Variants in BBIP1 observed in about 807,000 individuals in gnomAD.
BBIP1 encodes the protein BBSome interacting protein 1, also known as BBSome-interacting protein 1.
BBIP1 carries 6 observed loss-of-function variants against 8.9 expected under a neutral mutation model. The observed-to-expected ratio is 0.67, with a 90% CI of 0.37 to 1.33. The LOEUF (loss-of-function observed/expected upper bound fraction) is 1.33, where lower values mean the gene tolerates loss of function less well. Ranked by LOEUF, BBIP1 falls within the 40% of genes most tolerant of loss-of-function variation. BBIP1 has a pLI of 0.02. For synonymous variants in BBIP1, 32 were observed against 33.4 expected (o/e 0.96, Z 0.14); for missense variants, 111 against 109.2 (o/e 1.02, Z -0.07).
intron 2 of BBIP1, chr10:110,903,637 TTAA>T (rs1846060187): frequency 6.6e-6 from 1 of 152,290 alleles, no homozygotes; most frequent in Non-Finnish European, 1.5e-5. Context: ...CATGTGTTTC[TTAA>T]TGATGGGATA....
intron 2 of BBIP1, chr10:110,906,726 A>G (rs1417659016): frequency 6.6e-6 from 1 of 152,064 alleles, no homozygotes; most frequent in Non-Finnish European, 1.5e-5. Flanking sequence ...TGCCCGGCTA[A>G]TTTTTGTATT....
intron 2 of BBIP1, chr10:110,907,534 A>G: frequency 2.0e-6 from 1 of 497,418 alleles, no homozygotes; most frequent in Non-Finnish European, 3.5e-6. Context: ...AAAAAAAGAA[A>G]AGAAAAGAAA....
At chr10:110,909,925 C>T (rs1489771542) in intron 2 of BBIP1, among the ~76,000 whole-genome samples, 1 of 152,130 alleles carries the variant, frequency 6.6e-6, no homozygotes, top group Non-Finnish European at 1.5e-5. Context: ...TATAATGTAC[C>T]AGCCGTAGCT....
chr10:110,911,403 G>A (rs1458910837), intron 2 of BBIP1: 1 of 152,012 alleles, frequency 6.6e-6, no homozygotes, highest in African/African-American at 2.4e-5. Flanking sequence ...AGTTAGCCTA[G>A]TGGCTCTTAA....
At chr10:110,902,876 AT>A (rs749505064) in intron 2 of BBIP1, 4 of 151,280 alleles carry the variant, frequency 2.6e-5, no homozygotes, top group Admixed American at 6.6e-5. Context: ...CTCCTACCAT[AT>A]TCTTTTCTTT....
chr10:110,914,734 G>A (rs1846358658), intron 2 of BBIP1, among the ~76,000 whole-genome samples: 1 of 152,168 alleles, frequency 6.6e-6, no homozygotes, highest in African/African-American at 2.4e-5. Context: ...TAAAATGTGT[G>A]GTGTCTAGCT....
At chr10:110,900,711 G>T in intron 3 of BBIP1, 185 bp from the exon 4 acceptor site, 1 of 536,146 alleles carries the variant, frequency 1.9e-6, no homozygotes, top group Non-Finnish European at 3.2e-6. Flanking sequence ...TTTCTTACTA[G>T]TAGGGTGCTT....
chr10:110,913,288 C>T (rs947313093), intron 2 of BBIP1, among the ~76,000 whole-genome samples: 1 of 152,114 alleles, frequency 6.6e-6, no homozygotes, highest in Admixed American at 6.5e-5. Context: ...TGTAAAAGTC[C>T]TTAGAAATAC....
intron 2 of BBIP1, among the ~76,000 whole-genome samples, chr10:110,913,692 A>G (rs1846328911): frequency 6.6e-6 from 1 of 152,220 alleles, no homozygotes; most frequent in Non-Finnish European, 1.5e-5. Context: ...TTTGATGGAG[A>G]TGACAGGTGA....
Position 110,899,048 on chromosome 10 carries a change from A to ATGTT in BBIP1, c.*1308_*1311dup, listed in dbSNP as rs1417208347. On this transcript the variant is annotated 3_prime_UTR_variant, in exon 4 of 4. Coordinates refer to ENST00000448814, the MANE Select transcript of BBIP1 (RefSeq NM_001195305.3). ...AAATTCTGTTACCAAATAATGGCTA[A>ATGTT]TGTTACAAAAAGTTATACTCCAGAG... is the stretch of plus-strand genomic sequence containing the variant. The ATGTT allele has an allele frequency of 2.0e-5, 3 of 152,212 alleles. No individual in the cohort carries two copies. In the East Asian group the frequency reaches 5.8e-4, roughly 29 times the overall value. 9.4% of individuals were successfully genotyped at this position (152,212 alleles called of 1,614,324 possible).
rs1358951375 is a variant in BBIP1 at position 110,904,755 on chromosome 10, GCTGA to G, written c.38-3147_38-3144del. 3.3e-5 allele frequency: 5 copies of G among 152,286 alleles called. No homozygotes were observed. In the South Asian group the frequency reaches 1.0e-3, roughly 32 times the overall value. The allele number at this position is 152,286 out of a possible 1,614,324, so 9.4% of individuals were successfully genotyped here. ...AGCAAAATGTTCAGCAATAGATGAAGCTGACTAAATGTTCACCAGCAGATCAAAG... is the reference window on the plus strand; with the variant it reads ...AGCAAAATGTTCAGCAATAGATGAAGCTAAATGTTCACCAGCAGATCAAAG... On this transcript the variant is annotated intron_variant, in intron 2 of 3. Transcript: ENST00000448814.
At chr10:110,910,544 G>A (rs1846251428) in intron 2 of BBIP1, 1 of 152,230 alleles carries the variant, frequency 6.6e-6, no homozygotes, top group African/African-American at 2.4e-5. Flanking sequence ...AGCTATAATT[G>A]TTTAGGTAAG....
Position 110,900,513 on chromosome 10 carries a change from CACAA to C in BBIP1, c.122_125del (p.Phe41TrpfsTer4). On this transcript the variant is annotated frameshift_variant, in exon 4 of 4. Coordinates refer to ENST00000448814, the MANE Select transcript of BBIP1 (RefSeq NM_001195305.3). LOFTEE classifies it high-confidence loss of function. ...ACAGCACCATTGTCATTATATCTTC[CACAA>C]ACAGTGGCCCTAAGTTTAACAAGAA... 6.5e-7 allele frequency: 1 copy of C among 1,527,794 alleles called. No individual in the cohort carries two copies. Among genetic ancestry groups the C allele is most frequent in the Non-Finnish European group, 8.7e-7 (1 of 1,143,312 alleles). 94.6% of individuals were successfully genotyped at this position (1,527,794 alleles called of 1,614,324 possible).
chr10:110,918,544 A>C (rs1459296031), intron 1 of BBIP1, among the ~76,000 whole-genome samples: 1 of 152,224 alleles, frequency 6.6e-6, no homozygotes, highest in African/African-American at 2.4e-5. Flanking sequence ...ACTTAATAGG[A>C]ACTTGCGGAG....
At chr10:110,909,268 G>A (rs144457805) in intron 2 of BBIP1, among the ~76,000 whole-genome samples, 8,807 of 152,042 alleles carry the variant, frequency 0.058, 299 homozygotes, top group East Asian at 0.1. Context: ...CGCGATCTCG[G>A]CTCACTGCAA....
intron 3 of BBIP1, chr10:110,901,227 C>T (rs1845991723): frequency 4.8e-6 from 2 of 412,542 alleles, no homozygotes; most frequent in South Asian, 4.0e-5. Context: ...CTGCGGTGAG[C>T]TACGGTTGTG....
chr10:110,898,902 T>C lies in BBIP1; in HGVS notation c.*1458A>G, dbSNP rs1253476559. 6.6e-6 allele frequency: 1 copy of C among 152,394 alleles called. No individual in the cohort carries two copies. Among genetic ancestry groups the C allele is most frequent in the African/African-American group, 2.4e-5 (1 of 41,456 alleles). The allele number at this position is 152,394 out of a possible 1,614,324, so 9.4% of individuals were successfully genotyped here. A position where few individuals can be genotyped will look rare whatever the true frequency, so the allele number is the denominator to read the frequency against. ...ACAAAATTTTAAGTGAAAAATACAATAGTAAATTAAGATTACACTGGGGAA... is the reference window on the plus strand; with the variant it reads ...ACAAAATTTTAAGTGAAAAATACAACAGTAAATTAAGATTACACTGGGGAA... On this transcript the variant is annotated 3_prime_UTR_variant, in exon 4 of 4. Transcript: ENST00000448814.
In BBIP1 at chr10:110,902,977, T is replaced by G. The variant is rs563897293; in HGVS notation, c.38-1365A>C. 9 of 152,190 alleles carry G rather than the reference T, an allele frequency of 5.9e-5. No homozygotes were observed. In the South Asian group the frequency reaches 1.9e-3, roughly 32 times the overall value. The allele number at this position is 152,190 out of a possible 1,614,324, so 9.4% of individuals were successfully genotyped here. On this transcript the variant is annotated intron_variant, in intron 2 of 3. Coordinates refer to ENST00000448814, the MANE Select transcript of BBIP1 (RefSeq NM_001195305.3). The stretch of plus-strand genomic sequence containing the variant: ...TTACTAGCATTGCAGACCCCCTGAT[T>G]AGCCTTGAATTGAACTATCAAAACC...
At chr10:110,910,989 G>T (rs549158655) in intron 2 of BBIP1, 1 of 152,212 alleles carries the variant, frequency 6.6e-6, no homozygotes, top group Non-Finnish European at 1.5e-5. Flanking sequence ...AGAAGCAGCT[G>T]AAGTCAGATT....
Sources: gnomAD v4.1 joint callset for allele counts (sites outside exome capture counted in the v4.1 genomes callset) on GRCh38, gnomAD v4.1.1 for gene constraint, MANE v1.5 for transcripts, NCBI Gene and HGNC (gene_info 2026-07-23, HGNC 2026-07-21) for gene names.